Variants in IQCK observed in about 807,000 individuals in gnomAD.
The protein encoded by IQCK is IQ motif containing K, also known as IQ domain-containing protein K.
A neutral mutation model predicts 28.1 loss-of-function variants in IQCK; 29 were observed. The ratio of observed to expected loss-of-function variants is 1.03; its 90% CI spans 0.77 to 1.41. The LOEUF is 1.41. Ranked by LOEUF, IQCK falls within the 40% of genes most tolerant of loss-of-function variation. The pLI is 0.00. For synonymous variants in IQCK, 113 were observed against 115.1 expected, an observed-to-expected ratio of 0.98 and a Z score of 0.12; for missense variants, 359 against 314.7, an observed-to-expected ratio of 1.14 and a Z score of -1.07.
chr16:19,836,911 G>A (rs545431056), intron 9 of IQCK, among the ~76,000 whole-genome samples: 9 of 152,204 alleles, frequency 5.9e-5, no homozygotes, highest in East Asian at 1.9e-4. Flanking sequence ...GTGCAACCTC[G>A]AGCAGGTTGC....
At chr16:19,752,839 C>G (rs2055004677) in intron 4 of IQCK, among the ~76,000 whole-genome samples, 1 of 152,180 alleles carries the variant, frequency 6.6e-6, no homozygotes, top group South Asian at 2.1e-4. Flanking sequence ...GTTGCGATTA[C>G]AGGTATGAGC....
chr16:19,818,474 C>T (rs111630317), intron 7 of IQCK, among the ~76,000 whole-genome samples: 13,191 of 152,166 alleles, frequency 0.087, 1,879 homozygotes, highest in African/African-American at 0.3. Flanking sequence ...CTCACTGCAA[C>T]CTCCGCCTCC....
chr16:19,730,516 A>G (rs1162086658), intron 2 of IQCK, 22 bp downstream of exon 2: 5 of 1,558,694 alleles, frequency 3.2e-6, no homozygotes, highest in Middle Eastern at 1.7e-4. Context: ...CTAGGCCTCA[A>G]CCGAAGCAAG....
intron 9 of IQCK, among the ~76,000 whole-genome samples, chr16:19,839,240 A>T (rs2056336130): frequency 6.6e-6 from 1 of 151,286 alleles, no homozygotes; most frequent in Non-Finnish European, 1.5e-5. Flanking sequence ...GGCTCACTGC[A>T]ACCTCCACCT....
intron 4 of IQCK, among the ~76,000 whole-genome samples, chr16:19,746,286 TC>T (rs1811246871): frequency 6.6e-6 from 1 of 152,006 alleles, no homozygotes; most frequent in Admixed American, 6.6e-5. Flanking sequence ...ATGCGAAATA[TC>T]ATGGAGAATG....
intron 7 of IQCK, among the ~76,000 whole-genome samples, chr16:19,823,095 G>A (rs989599966): frequency 1.3e-5 from 2 of 152,106 alleles, no homozygotes; most frequent in Non-Finnish European, 2.9e-5. Context: ...TAAGATGGTG[G>A]ATGTGTGGGT....
downstream of IQCK, among the ~76,000 whole-genome samples, chr16:19,830,233 C>T (rs2056213109): frequency 6.6e-6 from 1 of 152,186 alleles, no homozygotes; most frequent in Non-Finnish European, 1.5e-5. Flanking sequence ...AACTGGAAGG[C>T]AATCAGGGCT....
At chr16:19,834,525 G>C (rs536821929) in intron 9 of IQCK, among the ~76,000 whole-genome samples, 1 of 152,348 alleles carries the variant, frequency 6.6e-6, no homozygotes, top group East Asian at 1.9e-4. Flanking sequence ...CTGGACAGCA[G>C]GCAGTGTCTG....
At chr16:19,828,921 T>A (rs1049471793), downstream of IQCK, among the ~76,000 whole-genome samples, 1 of 143,938 alleles carries the variant, frequency 6.9e-6, no homozygotes, top group African/African-American at 2.5e-5. Context: ...TATTTTTATA[T>A]ATATAATTAA....
chr16:19,732,717 C>T (rs111503544), intron 2 of IQCK, among the ~76,000 whole-genome samples: 26 of 152,314 alleles, frequency 1.7e-4, no homozygotes, highest in African/African-American at 6.0e-4. Flanking sequence ...CCCTCCTTGG[C>T]CTCCCAAAGT....
intron 1 of IQCK, among the ~76,000 whole-genome samples, chr16:19,723,959 TC>T (rs1185656226): frequency 2.1e-5 from 3 of 142,804 alleles, no homozygotes; most frequent in Non-Finnish European, 4.5e-5. Context: ...GACTCTTGTT[TC>T]AAAAAAAAAA....
intron 9 of IQCK, among the ~76,000 whole-genome samples, chr16:19,852,182 G>T (rs1024188872): frequency 6.6e-6 from 1 of 151,984 alleles, no homozygotes; most frequent in Non-Finnish European, 1.5e-5. Context: ...TGCCTTTATT[G>T]GTTGGCTTTG....
chr16:19,835,858 T>G (rs1228185026), intron 9 of IQCK, among the ~76,000 whole-genome samples: 1 of 152,210 alleles, frequency 6.6e-6, no homozygotes, highest in Non-Finnish European at 1.5e-5. Flanking sequence ...GTGCTGGAAT[T>G]ACAGGCGTGA....
chr16:19,839,822 A>G (rs1014828468), intron 9 of IQCK, among the ~76,000 whole-genome samples: 3 of 151,628 alleles, frequency 2.0e-5, no homozygotes, highest in Non-Finnish European at 4.4e-5. Flanking sequence ...GAGACCCTGT[A>G]TCCACTAAAA....
intron 6 of IQCK, among the ~76,000 whole-genome samples, chr16:19,785,586 A>G (rs575190214): frequency 2.0e-5 from 3 of 152,216 alleles, no homozygotes; most frequent in Non-Finnish European, 4.4e-5. Context: ...TCCACAACCA[A>G]TCAGACTGAT....
At chr16:19,762,128 T>C (rs928713835) in intron 4 of IQCK, 3 of 152,322 alleles carry the variant, frequency 2.0e-5, no homozygotes, top group Admixed American at 6.5e-5. Context: ...CGGGCAGAAC[T>C]GTATGACATA....
chr16:19,729,936 G>A (rs934020904), intron 1 of IQCK, among the ~76,000 whole-genome samples: 1 of 151,322 alleles, frequency 6.6e-6, no homozygotes, highest in African/African-American at 2.4e-5. Context: ...GAGCCACCAC[G>A]CCCGGCCTAT....
downstream of IQCK, among the ~76,000 whole-genome samples, chr16:19,830,746 C>T (rs1335201748): frequency 6.6e-6 from 1 of 152,164 alleles, no homozygotes; most frequent in Non-Finnish European, 1.5e-5. Context: ...TGACCCTGAT[C>T]TACTGAACTT....
chr16:19,732,267 A>G (rs1354756779), intron 2 of IQCK, among the ~76,000 whole-genome samples: 1 of 152,188 alleles, frequency 6.6e-6, no homozygotes, highest in Non-Finnish European at 1.5e-5. Context: ...GTTGACACTG[A>G]AAATTAACCA....
Sources: allele counts gnomAD v4.1 joint callset (sites outside exome capture counted in the v4.1 genomes callset), GRCh38; gene constraint gnomAD v4.1.1; transcripts MANE v1.5; gene names NCBI Gene and HGNC (gene_info 2026-07-23, HGNC 2026-07-21).